MED26: variants seen among roughly 807,000 people sequenced by gnomAD.
The protein encoded by MED26 is mediator complex subunit 26.
Under a neutral mutation model 43.7 loss-of-function variants are expected in MED26, and 7 were observed. That is an observed-to-expected ratio of 0.16 (90% CI 0.09 to 0.30). The LOEUF (loss-of-function observed/expected upper bound fraction) is 0.30, where lower values mean the gene tolerates loss of function less well. Among genes scored for constraint, MED26 ranks in the 10% least tolerant of loss-of-function variants. The pLI is 1.00. For synonymous variants in MED26, 375 were observed against 371.1 expected, an observed-to-expected ratio of 1.01 and a Z score of -0.12; for missense variants, 784 against 840.6, an observed-to-expected ratio of 0.93 and a Z score of 0.83.
At chr19:16,608,099 T>C (rs537135070) in intron 1 of MED26, among the ~76,000 whole-genome samples, 1 of 152,194 alleles carries the variant, frequency 6.6e-6, no homozygotes, top group Non-Finnish European at 1.5e-5. Context: ...CACGTTCCAA[T>C]ACATCTCCTC....
chr19:16,578,102 CCCCACGTG>C, intron 2 of MED26: 1 of 567,798 alleles, frequency 1.8e-6, no homozygotes, highest in Non-Finnish European at 3.1e-6. Context: ...CTCCTGATGT[CCCCACGTG>C]CCCACGAAGT....
chr19:16,620,963 T>C (rs768509167), intron 1 of MED26, among the ~76,000 whole-genome samples: 1 of 152,160 alleles, frequency 6.6e-6, no homozygotes, highest in Admixed American at 6.5e-5. Context: ...TGAACCCTCA[T>C]ACTCAAAAAG....
intron 1 of MED26, among the ~76,000 whole-genome samples, chr19:16,592,691 C>T (rs1323666130): frequency 2.0e-5 from 3 of 152,206 alleles, no homozygotes; most frequent in East Asian, 3.9e-4. Context: ...AAACGGCACC[C>T]CCTTCTTCTA....
intron 1 of MED26, among the ~76,000 whole-genome samples, chr19:16,609,336 A>AAAAG (rs765489188): frequency 7.0e-6 from 1 of 142,266 alleles, no homozygotes; most frequent in African/African-American, 2.5e-5. Context: ...AAAAAAAAAA[A>AAAAG]AGAGAGAGAA....
At chr19:16,599,844 T>G (rs1400957862) in intron 1 of MED26, among the ~76,000 whole-genome samples, 1 of 152,194 alleles carries the variant, frequency 6.6e-6, no homozygotes, top group African/African-American at 2.4e-5. Flanking sequence ...GACTGTGCCA[T>G]TGAGCCCACA....
Position 16,627,853 on chromosome 19 carries a change from T to A in MED26, c.72+19A>T. On this transcript the variant is annotated intron_variant, in intron 1 of 2. Coordinates refer to ENST00000263390, the MANE Select transcript of MED26 (RefSeq NM_004831.5). ...GGGCCCATGCGGCCTCCGTCCCAGCTCGCGCGGCGGGTACTTACGTTGCTC... is the reference window on the plus strand; with the variant it reads ...GGGCCCATGCGGCCTCCGTCCCAGCACGCGCGGCGGGTACTTACGTTGCTC... 6.8e-7 allele frequency: 1 copy of A among 1,471,760 alleles called. No individual in the cohort carries two copies. The highest frequency in any genetic ancestry group is 1.3e-5 in the South Asian group (1 of 76,112). The allele number at this position is 1,471,760 out of a possible 1,614,324, so 91.2% of individuals were successfully genotyped here. A position where few individuals can be genotyped will look rare whatever the true frequency, so the allele number is the denominator to read the frequency against.
intron 2 of MED26, 128 bp downstream of exon 2, chr19:16,578,207 G>T: frequency 1.1e-6 from 1 of 889,308 alleles, no homozygotes; most frequent in Non-Finnish European, 1.9e-6. Context: ...AGCTGTGAGG[G>T]CACACCGCCT....
chr19:16,584,317 AAAAC>A (rs2086060953), intron 1 of MED26, among the ~76,000 whole-genome samples: 1 of 151,568 alleles, frequency 6.6e-6, no homozygotes, highest in Non-Finnish European at 1.5e-5. Flanking sequence ...CCGCCAAAAA[AAAAC>A]AAAAAACAAA....
At chr19:16,580,673 G>C (rs1327187730) in intron 1 of MED26, among the ~76,000 whole-genome samples, 2 of 152,076 alleles carry the variant, frequency 1.3e-5, no homozygotes, top group African/African-American at 4.8e-5. Context: ...ACCCGGCCCA[G>C]AGTTCAGCTC....
At chr19:16,600,785 G>A (rs1394061068) in intron 1 of MED26, among the ~76,000 whole-genome samples, 1 of 152,136 alleles carries the variant, frequency 6.6e-6, no homozygotes, top group Admixed American at 6.5e-5. Flanking sequence ...GGCCGATCAG[G>A]CACTATTTTA....
intron 1 of MED26, among the ~76,000 whole-genome samples, chr19:16,622,335 T>C (rs1020280136): frequency 4.6e-5 from 7 of 152,328 alleles, no homozygotes; most frequent in African/African-American, 1.4e-4. Context: ...GCCAAGCCCC[T>C]TGGGCACAGG....
intron 1 of MED26, among the ~76,000 whole-genome samples, chr19:16,597,023 G>T (rs1311701730): frequency 6.6e-6 from 1 of 152,192 alleles, no homozygotes; most frequent in Non-Finnish European, 1.5e-5. Context: ...ATGGTCAGAG[G>T]GTGACAGATG....
intron 1 of MED26, among the ~76,000 whole-genome samples, chr19:16,598,458 G>A (rs1325947623): frequency 1.3e-5 from 2 of 151,792 alleles, no homozygotes; most frequent in South Asian, 2.1e-4. Flanking sequence ...GGGTTCTGGC[G>A]ACATGATGGT....
chr19:16,609,367 T>C, intron 1 of MED26, among the ~76,000 whole-genome samples: 1 of 134,596 alleles, frequency 7.4e-6, no homozygotes, highest in East Asian at 2.1e-4. Flanking sequence ...ACCAAAGTCA[T>C]GTCAAAACCA....
At position 16,576,387 on chromosome 19, in the gene MED26, T is replaced by G; in HGVS notation, c.1443A>C (p.Ser481=). ...PFEQTNWKEL[S]RNEIIQSYLS... ...GGTAGGACTGGATGATCTCGTTGCG[T>G]GACAGCTCCTTCCAGTTCGTCTGTT... is the stretch of plus-strand genomic sequence containing the variant. The change falls in exon 3 of 3, where the codon TCA becomes TCC. Residue 481 remains serine (S), a synonymous_variant. Coordinates refer to ENST00000263390, the MANE Select transcript of MED26 (RefSeq NM_004831.5). The surrounding 1 kb of genome is among the most constrained non-coding windows in gnomAD (Gnocchi z 6.8). 1 of 1,614,108 alleles carries G rather than the reference T, an allele frequency of 6.2e-7. No homozygotes were observed. The highest frequency in any genetic ancestry group is 8.5e-7 in the Non-Finnish European group (1 of 1,180,020).
chr19:16,598,985 C>A (rs1349309740), intron 1 of MED26, among the ~76,000 whole-genome samples: 1 of 152,200 alleles, frequency 6.6e-6, no homozygotes, highest in Non-Finnish European at 1.5e-5. Flanking sequence ...ACCAGTCAAA[C>A]TTCTTGAGCT....
At chr19:16,601,226 G>A (rs1014188537) in intron 1 of MED26, among the ~76,000 whole-genome samples, 1 of 151,706 alleles carries the variant, frequency 6.6e-6, no homozygotes, top group African/African-American at 2.4e-5. Context: ...CATGAACTCG[G>A]CTCACCACAA....
intron 1 of MED26, among the ~76,000 whole-genome samples, chr19:16,592,339 C>T (rs982623637): frequency 2.6e-5 from 4 of 152,218 alleles, no homozygotes; most frequent in African/African-American, 9.7e-5. Flanking sequence ...AGCTGTGGGG[C>T]CCTGTCCCGT....
chr19:16,584,599 A>G (rs1342785465), intron 1 of MED26, among the ~76,000 whole-genome samples: 2 of 152,226 alleles, frequency 1.3e-5, no homozygotes, highest in Non-Finnish European at 2.9e-5. Flanking sequence ...GGAACCCTGT[A>G]TGCGACTTCA....
Sources: gnomAD v4.1 joint callset for allele counts (sites outside exome capture counted in the v4.1 genomes callset) on GRCh38, gnomAD v4.1.1 for gene constraint, Gnocchi (gnomAD v3.1) non-coding constraint, MANE v1.5 for transcripts, NCBI Gene and HGNC (gene_info 2026-07-23, HGNC 2026-07-21) for gene names.